MYLK: variants seen among roughly 807,000 people sequenced by gnomAD.
The protein encoded by MYLK is myosin light chain kinase.
A neutral mutation model predicts 203.4 loss-of-function variants in MYLK; 106 were observed. The ratio of observed to expected loss-of-function variants is 0.52; its 90% CI spans 0.45 to 0.61. The LOEUF is 0.61. Ranked by LOEUF, MYLK falls within the 20% of genes least tolerant of loss-of-function variation. The probability of loss-of-function intolerance (pLI) is 0.00; values close to 1 mark genes in which losing one functional copy is unlikely to be tolerated. For synonymous variants in MYLK, 867 were observed against 959.5 expected (o/e 0.90, Z 1.78); for missense variants, 2,072 against 2,442.3 (o/e 0.85, Z 3.20).
At chr3:123,708,424 GTA>G (rs2061548504) in intron 15 of MYLK, among the ~76,000 whole-genome samples, 1 of 152,196 alleles carries the variant, frequency 6.6e-6, no homozygotes, top group South Asian at 2.1e-4. Context: ...ATTGTTAAGT[GTA>G]TTACAGATTT....
chr3:123,792,023 A>C (rs1209731100), intron 4 of MYLK, among the ~76,000 whole-genome samples: 1 of 152,242 alleles, frequency 6.6e-6, no homozygotes, highest in Non-Finnish European at 1.5e-5. Context: ...ATGGCTTGCC[A>C]ACCAGAGGAC....
At chr3:123,815,060 T>C (rs2065702189) in intron 3 of MYLK, among the ~76,000 whole-genome samples, 1 of 152,212 alleles carries the variant, frequency 6.6e-6, no homozygotes, top group African/African-American at 2.4e-5. Context: ...CCCAAAGCAC[T>C]GGGATTACAG....
chr3:123,806,382 A>C (rs2065367061), intron 3 of MYLK, among the ~76,000 whole-genome samples: 1 of 152,196 alleles, frequency 6.6e-6, no homozygotes, highest in Non-Finnish European at 1.5e-5. Context: ...TAAGCAGGTG[A>C]GCCGTCTGTA....
chr3:123,679,091 G>A (rs2060171277), intron 20 of MYLK, among the ~76,000 whole-genome samples: 1 of 152,004 alleles, frequency 6.6e-6, no homozygotes, highest in Non-Finnish European at 1.5e-5. Context: ...GGCGGATCAC[G>A]AGGTCAAGAG....
chr3:123,731,222 G>A (rs1426579510), intron 11 of MYLK, among the ~76,000 whole-genome samples: 1 of 152,212 alleles, frequency 6.6e-6, no homozygotes, highest in Non-Finnish European at 1.5e-5. Context: ...AATATTTCTT[G>A]TAAAGGAATT....
intron 22 of MYLK, among the ~76,000 whole-genome samples, chr3:123,665,616 C>T (rs763018612): frequency 1.3e-5 from 2 of 152,208 alleles, no homozygotes; most frequent in East Asian, 1.9e-4. Context: ...ACACTACCAC[C>T]GTGGATTGGT....
At chr3:123,865,608 C>A (rs1577149311) in intron 2 of MYLK, among the ~76,000 whole-genome samples, 1 of 152,180 alleles carries the variant, frequency 6.6e-6, no homozygotes, top group African/African-American at 2.4e-5. Flanking sequence ...CCTGAAGAAG[C>A]TCCATTAGTG....
chr3:123,617,803 G>A (rs2057591016), intron 33 of MYLK: 1 of 152,220 alleles, frequency 6.6e-6, no homozygotes, highest in Non-Finnish European at 1.5e-5. Context: ...CAATCTATAT[G>A]AAAATGGAAA....
At position 123,635,302 on chromosome 3, in the gene MYLK, C is replaced by T. The variant is rs1157506773; in HGVS notation, c.4961+2769G>A. On this transcript the variant is annotated intron_variant, in intron 29 of 33. Transcript: ENST00000360304. Reference sequence around the variant, plus strand: ...GCAGTGGCTCCAGAGTTCTGCATAGCAGGCGCTTAAAGGAAACCATCTCCT... The same window carrying T: ...GCAGTGGCTCCAGAGTTCTGCATAGTAGGCGCTTAAAGGAAACCATCTCCT... Among the ~76,000 whole-genome samples the T allele has an allele frequency of 2.6e-5, 4 of 152,244 alleles. No individual in the cohort carries two copies. The East Asian group carries it at 5.8e-4, about 22-fold the overall frequency.
intron 2 of MYLK, among the ~76,000 whole-genome samples, chr3:123,873,953 T>C (rs531780285): frequency 1.3e-5 from 2 of 152,180 alleles, no homozygotes; most frequent in South Asian, 4.1e-4. Context: ...CAAAATATGT[T>C]CAATATGTAT....
rs114481809 is a variant in MYLK, at chr3:123,869,162, C to T, written c.-127+7397G>A. Among the ~76,000 whole-genome samples the T allele has an allele frequency of 6.9e-3, 1,050 of 152,178 alleles. 17 individuals are homozygous for T. Among genetic ancestry groups the T allele is most frequent in the African/African-American group, 0.025 (1,017 of 41,506 alleles). Reference sequence around the variant, plus strand: ...AGACTCTGCAGGAAAGCAGGGTCCTCATCCCCTAACACGTGTGCAAAAGGG... The same window carrying T: ...AGACTCTGCAGGAAAGCAGGGTCCTTATCCCCTAACACGTGTGCAAAAGGG... On this transcript the variant is annotated intron_variant, in intron 2 of 33. Transcript: ENST00000360304.
chr3:123,798,883 GA>G (rs906370168), intron 3 of MYLK, among the ~76,000 whole-genome samples: 1 of 151,816 alleles, frequency 6.6e-6, no homozygotes, highest in Non-Finnish European at 1.5e-5. Context: ...TGCTCTATCA[GA>G]AAAAAAATTA....
At chr3:123,835,638 TTCAGAAGCAGCC>T (rs1319075014) in intron 2 of MYLK, among the ~76,000 whole-genome samples, 4 of 152,166 alleles carry the variant, frequency 2.6e-5, no homozygotes, top group African/African-American at 9.7e-5. Context: ...AAATGAAGAC[TTCAGAAGCAGCC>T]TCAGAAGCAA....
intron 2 of MYLK, among the ~76,000 whole-genome samples, chr3:123,847,241 T>A (rs61050724): frequency 6.6e-6 from 1 of 152,086 alleles, no homozygotes. Flanking sequence ...CCATTTTATA[T>A]AAGGGACTTG....
intron 3 of MYLK, 155 bp from the exon 4 acceptor site, chr3:123,793,999 T>C: frequency 1.3e-6 from 1 of 774,834 alleles, no homozygotes; most frequent in Non-Finnish European, 2.2e-6. Flanking sequence ...TCTGTGAAGA[T>C]GAGAGGCTCT....
chr3:123,657,418 G>A lies in MYLK; in HGVS notation c.3996C>T (p.Asp1332=). The A allele has an allele frequency of 6.2e-7, 1 of 1,613,422 alleles. No homozygotes were observed. ...AGGCACAAGGTGTGCCAGCTGGGGG[G>A]TCTGGCTTATCTGGGGATAAAGAAG... ...QVNLTVVDKP[D]PPAGTPCASD... is the part of the protein sequence containing the mutation. Residue 1332 remains aspartate, a synonymous_variant, in exon 24 of 34, where the codon GAC becomes GAT. Transcript: ENST00000360304.
intron 7 of MYLK, among the ~76,000 whole-genome samples, chr3:123,737,838 C>T (rs1278363241): frequency 1.3e-5 from 2 of 152,168 alleles, no homozygotes; most frequent in African/African-American, 4.8e-5. Flanking sequence ...TCAGTTTTTC[C>T]TTACCTCCCC....
chr3:123,620,635 A>G (rs1413794783), intron 31 of MYLK: 3 of 1,164,120 alleles, frequency 2.6e-6, no homozygotes, highest in African/African-American at 3.1e-5. Flanking sequence ...TTCAACTCCC[A>G]TAAAAGGGAT....
At chr3:123,641,250 C>T (rs2058822030) in intron 27 of MYLK, among the ~76,000 whole-genome samples, 1 of 152,192 alleles carries the variant, frequency 6.6e-6, no homozygotes, top group South Asian at 2.1e-4. Context: ...GGGTCTCAGC[C>T]ATCAGCATAT....
Sources: allele counts gnomAD v4.1 joint callset (sites outside exome capture counted in the v4.1 genomes callset), GRCh38; gene constraint gnomAD v4.1.1; transcripts MANE v1.5; gene names NCBI Gene and HGNC (gene_info 2026-07-23, HGNC 2026-07-21).